CTNND2: variants seen among roughly 807,000 people sequenced by gnomAD.
CTNND2 encodes the protein catenin delta 2.
Under a neutral mutation model 144.4 loss-of-function variants are expected in CTNND2, and 22 were observed. The observed-to-expected ratio is 0.15, with a 90% CI of 0.11 to 0.22. The LOEUF (loss-of-function observed/expected upper bound fraction) is 0.22. CTNND2 is among the 10% of genes least tolerant of loss of function. CTNND2 has a pLI of 1.00. For missense variants in CTNND2, 1,353 were observed against 1,618.8 expected, an observed-to-expected ratio of 0.84 and a Z score of 2.82; for synonymous variants, 751 against 695.6, an observed-to-expected ratio of 1.08 and a Z score of -1.25.
chr5:11,639,878 ATG>A (rs1249923399), intron 2 of CTNND2, among the ~76,000 whole-genome samples: 2 of 152,238 alleles, frequency 1.3e-5, no homozygotes, highest in Non-Finnish European at 2.9e-5. Context: ...TGTTGCTTCA[ATG>A]AAAGACAAAA....
intron 3 of CTNND2, among the ~76,000 whole-genome samples, chr5:11,478,309 A>G (rs1353182467): frequency 2.6e-5 from 4 of 152,152 alleles, no homozygotes; most frequent in South Asian, 2.1e-4. Flanking sequence ...TGTTTTTCCA[A>G]AGCAGTTTTT....
chr5:11,477,709 A>T (rs1581282138), intron 3 of CTNND2, among the ~76,000 whole-genome samples: 1 of 152,114 alleles, frequency 6.6e-6, no homozygotes, highest in East Asian at 1.9e-4. Context: ...CACTCGGCCC[A>T]CCTTGCCCAT....
intron 9 of CTNND2, among the ~76,000 whole-genome samples, chr5:11,281,266 A>C (rs1385546634): frequency 6.6e-6 from 1 of 152,214 alleles, no homozygotes; most frequent in Non-Finnish European, 1.5e-5. Context: ...GCATGTTTAC[A>C]TTATTGACTA....
intron 3 of CTNND2, among the ~76,000 whole-genome samples, chr5:11,530,389 A>T (rs1301235140): frequency 6.6e-6 from 1 of 152,148 alleles, no homozygotes; most frequent in East Asian, 1.9e-4. Flanking sequence ...TTACCCAGCA[A>T]ATGCAAAAGG....
intron 10 of CTNND2, among the ~76,000 whole-genome samples, chr5:11,222,000 G>A (rs527886774): frequency 2.0e-5 from 3 of 152,290 alleles, no homozygotes; most frequent in African/African-American, 7.2e-5. Flanking sequence ...TTCTCTAAAC[G>A]ATGACATATC....
chr5:11,119,802 C>A (rs1358663752), intron 12 of CTNND2, among the ~76,000 whole-genome samples: 1 of 152,202 alleles, frequency 6.6e-6, no homozygotes, highest in Non-Finnish European at 1.5e-5. Flanking sequence ...TGGAAAGCAA[C>A]TTAGGGTAGC....
intron 2 of CTNND2, among the ~76,000 whole-genome samples, chr5:11,653,098 T>C (rs1472184263): frequency 6.6e-6 from 1 of 151,436 alleles, no homozygotes; most frequent in African/African-American, 2.4e-5. Context: ...TGTGTGTGTG[T>C]GTGTGTGTGT....
chr5:11,607,235 C>A (rs10077577), intron 2 of CTNND2, among the ~76,000 whole-genome samples: 75,345 of 152,024 alleles, frequency 0.5, 19,536 homozygotes, highest in Middle Eastern at 0.7. Flanking sequence ...GTGAAACAAT[C>A]ATCTTCTGTT....
chr5:11,116,712 C>T (rs1380267006), intron 13 of CTNND2, among the ~76,000 whole-genome samples: 1 of 152,082 alleles, frequency 6.6e-6, no homozygotes, highest in Non-Finnish European at 1.5e-5. Context: ...TAAAATGGCA[C>T]TTAGTGTAAT....
chr5:11,323,172 A>C (rs924785168), intron 9 of CTNND2, among the ~76,000 whole-genome samples: 2 of 147,188 alleles, frequency 1.4e-5, no homozygotes, highest in Admixed American at 1.3e-4. Context: ...CCGAGCAGCC[A>C]GGACTACAGT....
chr5:11,645,523 T>C lies in CTNND2; in HGVS notation c.175-80467A>G, dbSNP rs79225787. On this transcript the variant is annotated intron_variant, in intron 2 of 21. Coordinates refer to ENST00000304623, the MANE Select transcript of CTNND2 (RefSeq NM_001332.4). ...TCAATTATACGTGAATGATTCCTTA[T>C]CTAGATTTTTTAATTTTCCTTTTTT... Among the ~76,000 whole-genome samples, 55 of 152,366 alleles carry C rather than the reference T, an allele frequency of 3.6e-4. No individual in the cohort carries two copies. In the East Asian group the frequency reaches 9.6e-3, roughly 27 times the overall value.
chr5:11,033,041 G>A lies in CTNND2; in HGVS notation c.2789-10062C>T, dbSNP rs760717660. Among the ~76,000 whole-genome samples the A allele has an allele frequency of 2.6e-5, 4 of 152,168 alleles. No individual in the cohort carries two copies. The South Asian group carries it at 8.3e-4, about 32-fold the overall frequency. On this transcript the variant is annotated intron_variant, in intron 16 of 21. Transcript: ENST00000304623. ...AGTTACATAAGATATAGCCATTGCT[G>A]GAAACTGGCTGAGGGATGCATAGGA... is the stretch of plus-strand genomic sequence containing the variant.
At chr5:11,175,056 T>C (rs16901356) in intron 11 of CTNND2, among the ~76,000 whole-genome samples, 12,182 of 152,236 alleles carry the variant, frequency 0.08, 710 homozygotes, top group African/African-American at 0.17. Context: ...GTGACTTTCC[T>C]GAGTTGTGAT....
chr5:11,556,882 A>C (rs1776276256), intron 3 of CTNND2, among the ~76,000 whole-genome samples: 1 of 152,176 alleles, frequency 6.6e-6, no homozygotes, highest in Non-Finnish European at 1.5e-5. Context: ...CATCTTGGGA[A>C]TCTATATAAT....
chr5:11,678,960 T>C (rs1784304838), intron 2 of CTNND2, among the ~76,000 whole-genome samples: 1 of 151,922 alleles, frequency 6.6e-6, no homozygotes. Context: ...GATATACTTA[T>C]TCTACATGGT....
intron 14 of CTNND2, among the ~76,000 whole-genome samples, chr5:11,101,481 T>C (rs1223532551): frequency 6.6e-6 from 1 of 152,210 alleles, no homozygotes; most frequent in African/African-American, 2.4e-5. Context: ...ATACAACTCT[T>C]GCACCAAAGT....
chr5:11,246,828 G>A (rs1743054935), intron 9 of CTNND2, among the ~76,000 whole-genome samples: 2 of 152,026 alleles, frequency 1.3e-5, no homozygotes, highest in Non-Finnish European at 2.9e-5. Context: ...ACAGGAAAAC[G>A]GAAGTAACAA....
chr5:11,388,865 G>A (rs1759348391), intron 6 of CTNND2, among the ~76,000 whole-genome samples: 1 of 152,178 alleles, frequency 6.6e-6, no homozygotes, highest in African/African-American at 2.4e-5. Context: ...TACCTTAAAA[G>A]TATGTTAGCA....
intron 1 of CTNND2, among the ~76,000 whole-genome samples, chr5:11,879,341 G>GTGTGTGTATATA: frequency 9.1e-6 from 1 of 109,338 alleles, no homozygotes; most frequent in African/African-American, 3.0e-5. Flanking sequence ...TTAAATGTGT[G>GTGTGTGTATATA]TATATATATA....
Sources: gnomAD v4.1 joint callset for allele counts (sites outside exome capture counted in the v4.1 genomes callset) on GRCh38, gnomAD v4.1.1 for gene constraint, MANE v1.5 for transcripts, NCBI Gene and HGNC (gene_info 2026-07-23, HGNC 2026-07-21) for gene names.